The following CTBP2 variants were observed in gnomAD, a reference collection of about 807,000 sequenced individuals.
The protein encoded by CTBP2 is C-terminal-binding protein 2.
A neutral mutation model predicts 80.3 loss-of-function variants in CTBP2; 30 were observed. The ratio of observed to expected loss-of-function variants is 0.37; its 90% CI spans 0.28 to 0.51. The LOEUF is 0.51. Among genes scored for constraint, CTBP2 ranks in the 20% least tolerant of loss-of-function variants. The probability of loss-of-function intolerance (pLI) is 0.93; values close to 1 mark genes in which losing one functional copy is unlikely to be tolerated. For missense variants in CTBP2, 1,212 were observed against 1,375.3 expected (o/e 0.88, Z 1.88); for synonymous variants, 594 against 587.4 (o/e 1.01, Z -0.16).
At chr10:125,112,316 T>C (rs1168525857) in intron 1 of CTBP2, among the ~76,000 whole-genome samples, 1 of 152,142 alleles carries the variant, frequency 6.6e-6, no homozygotes, top group Non-Finnish European at 1.5e-5. Flanking sequence ...TTTCACCACG[T>C]TGGTCAGGCT....
At chr10:125,141,463 C>T (rs1318306733) in intron 1 of CTBP2, among the ~76,000 whole-genome samples, 2 of 152,156 alleles carry the variant, frequency 1.3e-5, no homozygotes, top group Non-Finnish European at 2.9e-5. Flanking sequence ...TCTGGGCTTT[C>T]CACAAACCAC....
intron 2 of CTBP2, among the ~76,000 whole-genome samples, chr10:125,096,780 T>C (rs974785998): frequency 0.039 from 171 of 4,402 alleles, no homozygotes; most frequent in African/African-American, 0.12. Flanking sequence ...AGTGGTTTAA[T>C]GGGGGGGTGG....
intron 2 of CTBP2, among the ~76,000 whole-genome samples, chr10:125,082,708 C>T (rs919091259): frequency 6.6e-6 from 1 of 151,842 alleles, no homozygotes; most frequent in Non-Finnish European, 1.5e-5. Context: ...GTGCCTTAGC[C>T]TCCTGAGTAG....
At chr10:125,046,278 T>C (rs1244252539) in intron 2 of CTBP2, among the ~76,000 whole-genome samples, 2 of 152,172 alleles carry the variant, frequency 1.3e-5, no homozygotes, top group African/African-American at 4.8e-5. Flanking sequence ...GGCTCATACC[T>C]GTAATCCTAG....
At chr10:125,034,857 ACT>A (rs1239464165) in intron 3 of CTBP2, among the ~76,000 whole-genome samples, 17 of 152,072 alleles carry the variant, frequency 1.1e-4, no homozygotes, top group African/African-American at 1.7e-4. Context: ...AGAGAAAGTC[ACT>A]CTCTCATCCT....
upstream of CTBP2, among the ~76,000 whole-genome samples, chr10:125,030,403 G>A (rs1175308022): frequency 6.6e-6 from 1 of 152,170 alleles, no homozygotes; most frequent in Non-Finnish European, 1.5e-5. Flanking sequence ...TGCGACACAA[G>A]GTGTCAATTA....
intron 1 of CTBP2, among the ~76,000 whole-genome samples, chr10:125,129,550 C>CT (rs1371768883): frequency 6.6e-6 from 1 of 152,082 alleles, no homozygotes; most frequent in Admixed American, 6.6e-5. Context: ...ATGACCAGGG[C>CT]TGGGGGCACA....
At chr10:125,155,714 T>C (rs973249544) in intron 1 of CTBP2, among the ~76,000 whole-genome samples, 7 of 152,170 alleles carry the variant, frequency 4.6e-5, no homozygotes, top group African/African-American at 1.7e-4. Flanking sequence ...CATAAGTCTT[T>C]GATACATATT....
At chr10:125,035,080 C>A (rs185409813) in intron 3 of CTBP2, among the ~76,000 whole-genome samples, 1 of 152,128 alleles carries the variant, frequency 6.6e-6, no homozygotes, top group African/African-American at 2.4e-5. Context: ...CAGAAGAGCC[C>A]GCGACACAGA....
chr10:125,047,209 C>T (rs1312994376), intron 2 of CTBP2, among the ~76,000 whole-genome samples: 1 of 152,122 alleles, frequency 6.6e-6, no homozygotes, highest in African/African-American at 2.4e-5. Flanking sequence ...AACTAAATGA[C>T]ACCTCTTATT....
intron 8 of CTBP2, 84 bp from the exon 11 acceptor site, chr10:124,989,782 A>G: frequency 1.5e-6 from 2 of 1,317,170 alleles, no homozygotes; most frequent in Non-Finnish European, 1.0e-6. Flanking sequence ...GCCTTTTCAT[A>G]AGAGACAGGA....
rs149270148 is a variant in CTBP2 at position 125,079,285 on chromosome 10, G to A, written c.-102+31705C>T. 5.9e-5 allele frequency among the ~76,000 whole-genome samples: 9 copies of A among 152,266 alleles called. No individual in the cohort carries two copies. In the East Asian group the frequency reaches 1.5e-3, roughly 26 times the overall value. On this transcript the variant is annotated intron_variant, in intron 2 of 10. Transcript: ENST00000337195. Reference sequence around the variant, plus strand: ...TGCTCTAAAGTACACGGAGGACACAGGGCACAGCGCCTTTCACAGCCACTG... The same window carrying A: ...TGCTCTAAAGTACACGGAGGACACAAGGCACAGCGCCTTTCACAGCCACTG...
At chr10:125,122,632 T>C (rs917606813) in intron 1 of CTBP2, 17 of 152,252 alleles carry the variant, frequency 1.1e-4, no homozygotes, top group East Asian at 1.9e-4. Flanking sequence ...TGCAAACACA[T>C]GCAACACAGA....
At chr10:125,054,184 T>C (rs934607424) in intron 2 of CTBP2, among the ~76,000 whole-genome samples, 9 of 151,950 alleles carry the variant, frequency 5.9e-5, no homozygotes, top group African/African-American at 1.9e-4. Context: ...AAAGAATCAA[T>C]CCCATGGCCC....
intron 1 of CTBP2, among the ~76,000 whole-genome samples, chr10:125,133,103 GA>G (rs1251239027): frequency 6.6e-6 from 1 of 152,172 alleles, no homozygotes; most frequent in Admixed American, 6.5e-5. Context: ...GAAGCAGCCA[GA>G]AGAAAGCTCT....
intron 1 of CTBP2, among the ~76,000 whole-genome samples, chr10:125,009,808 C>T (rs1042852043): frequency 2.0e-5 from 3 of 152,178 alleles, no homozygotes; most frequent in Admixed American, 6.5e-5. Flanking sequence ...TACAGGCCAG[C>T]CCAGCACACA....
chr10:125,124,484 A>G (rs1413672463), intron 1 of CTBP2, among the ~76,000 whole-genome samples: 1 of 152,192 alleles, frequency 6.6e-6, no homozygotes. Context: ...CATCTCCCAA[A>G]ATGTGCCACT....
intron 1 of CTBP2, among the ~76,000 whole-genome samples, chr10:125,011,131 G>C (rs1370162425): frequency 6.6e-6 from 1 of 152,234 alleles, no homozygotes; most frequent in African/African-American, 2.4e-5. Context: ...GGGCTGTGCT[G>C]TTTGGGGTGC....
chr10:125,011,065 A>G (rs1955838686), intron 1 of CTBP2, among the ~76,000 whole-genome samples: 1 of 152,158 alleles, frequency 6.6e-6, no homozygotes, highest in Non-Finnish European at 1.5e-5. Flanking sequence ...TTCTGTAAGG[A>G]GGGAAAAAAT....
Sources: gnomAD v4.1 joint callset for allele counts (sites outside exome capture counted in the v4.1 genomes callset) on GRCh38, gnomAD v4.1.1 for gene constraint, MANE v1.5 for transcripts, NCBI Gene and HGNC (gene_info 2026-07-23, HGNC 2026-07-21) for gene names.